The following AMBRA1 variants were observed in gnomAD, a reference collection of about 807,000 sequenced individuals.
The protein encoded by AMBRA1 is autophagy and beclin 1 regulator 1.
Under a neutral mutation model 125.4 loss-of-function variants are expected in AMBRA1, and 47 were observed. The ratio of observed to expected loss-of-function variants is 0.37; its 90% CI spans 0.30 to 0.48. AMBRA1 has a LOEUF of 0.48. AMBRA1 is among the 20% of genes least tolerant of loss of function. The pLI, the probability that AMBRA1 is intolerant of heterozygous loss-of-function variation, is 0.99. For missense variants in AMBRA1, 1,331 were observed against 1,693.4 expected (o/e 0.79, Z 3.76); for synonymous variants, 626 against 655.5 (o/e 0.95, Z 0.69).
At chr11:46,460,930 T>TA (rs1322497496) in intron 11 of AMBRA1, among the ~76,000 whole-genome samples, 2 of 152,034 alleles carry the variant, frequency 1.3e-5, no homozygotes, top group Non-Finnish European at 2.9e-5. Context: ...CAAAAATAAA[T>TA]AAATGAATTA....
intron 14 of AMBRA1, among the ~76,000 whole-genome samples, chr11:46,427,397 A>G (rs1057226697): frequency 5.3e-5 from 8 of 152,218 alleles, no homozygotes; most frequent in African/African-American, 1.9e-4. Context: ...AAGCAATCTA[A>G]TGTTTATTTT....
At chr11:46,568,758 G>A (rs1233076614) in intron 1 of AMBRA1, among the ~76,000 whole-genome samples, 2 of 123,470 alleles carry the variant, frequency 1.6e-5, no homozygotes, top group East Asian at 5.3e-4. Flanking sequence ...GGCAACAAGA[G>A]CAAAACTCCA....
At chr11:46,453,903 A>G (rs1478708080) in intron 11 of AMBRA1, among the ~76,000 whole-genome samples, 1 of 152,220 alleles carries the variant, frequency 6.6e-6, no homozygotes, top group Non-Finnish European at 1.5e-5. Context: ...TAAAGGGTAA[A>G]TATTTTCTAA....
chr11:46,554,476 A>G (rs1226262522), intron 1 of AMBRA1, among the ~76,000 whole-genome samples: 1 of 152,220 alleles, frequency 6.6e-6, no homozygotes, highest in Non-Finnish European at 1.5e-5. Flanking sequence ...CATTTCTATC[A>G]ATTTCCAGGG....
chr11:46,471,259 T>C (rs752944933), intron 11 of AMBRA1, among the ~76,000 whole-genome samples: 3 of 151,748 alleles, frequency 2.0e-5, no homozygotes, highest in African/African-American at 4.8e-5. Context: ...CTGGCCAACA[T>C]GGCAAAACCC....
intron 7 of AMBRA1, among the ~76,000 whole-genome samples, chr11:46,533,558 T>A (rs927789926): frequency 1.3e-5 from 2 of 152,178 alleles, no homozygotes; most frequent in African/African-American, 4.8e-5. Context: ...GTTCATCAGC[T>A]CTTCACCCAA....
At chr11:46,494,919 T>C (rs1205251030) in intron 9 of AMBRA1, 1 of 152,246 alleles carries the variant, frequency 6.6e-6, no homozygotes, top group African/African-American at 2.4e-5. Flanking sequence ...ACAAAGGTTA[T>C]TGATATGTTA....
At chr11:46,478,183 T>A (rs1213303853) in intron 11 of AMBRA1, among the ~76,000 whole-genome samples, 1 of 152,144 alleles carries the variant, frequency 6.6e-6, no homozygotes, top group East Asian at 1.9e-4. Flanking sequence ...ATAGCTGAAT[T>A]CTTGCTTCTC....
chr11:46,417,624 T>A (rs1946604361), intron 15 of AMBRA1, among the ~76,000 whole-genome samples: 1 of 152,162 alleles, frequency 6.6e-6, no homozygotes, highest in Non-Finnish European at 1.5e-5. Flanking sequence ...GCAGGGAAAC[T>A]TTAGTATCAC....
intron 7 of AMBRA1, among the ~76,000 whole-genome samples, chr11:46,524,111 G>A (rs1488859326): frequency 2.0e-5 from 3 of 152,076 alleles, no homozygotes; most frequent in Admixed American, 6.5e-5. Context: ...CGGGTGATCC[G>A]CCCACCTCGG....
chr11:46,548,129 T>C (rs1020572933), intron 2 of AMBRA1, 117 bp downstream of exon 2: 2 of 1,437,042 alleles, frequency 1.4e-6, no homozygotes, highest in African/African-American at 1.4e-5. Context: ...AAGTCAGATA[T>C]GTCAACTCTC....
At chr11:46,424,750 G>T (rs1314874132) in intron 14 of AMBRA1, among the ~76,000 whole-genome samples, 1 of 152,178 alleles carries the variant, frequency 6.6e-6, no homozygotes, top group African/African-American at 2.4e-5. Context: ...TGAGGTGGGA[G>T]GATTGCTTGA....
intron 1 of AMBRA1, among the ~76,000 whole-genome samples, chr11:46,558,780 T>C (rs1449360540): frequency 6.6e-6 from 1 of 152,140 alleles, no homozygotes; most frequent in East Asian, 1.9e-4. Context: ...CCTAAGTAGA[T>C]TATAAACTCT....
At chr11:46,487,191 G>A (rs1950298163) in intron 11 of AMBRA1, among the ~76,000 whole-genome samples, 1 of 151,736 alleles carries the variant, frequency 6.6e-6, no homozygotes, top group Non-Finnish European at 1.5e-5. Context: ...CCAGCAGGTT[G>A]AGGGTGCAGT....
Position 46,527,477 on chromosome 11 carries a change from C to CAAAAAAAAAAAAAAAA in AMBRA1, c.2072+14452_2072+14467dup, listed in dbSNP as rs59904013. 6.9e-3 allele frequency among the ~76,000 whole-genome samples: 180 copies of CAAAAAAAAAAAAAAAA among 25,942 alleles called. 26 individuals carry two copies. The highest frequency in any genetic ancestry group is 0.031 in the Middle Eastern group (1 of 32). The allele number at this position is 25,942 out of a possible 152,430, so 17.0% of individuals were successfully genotyped here. ...CCTAGGTGACAAAGTGAGACTGTCT[C>CAAAAAAAAAAAAAAAA]AAAAAAAAAAAAAAAAAAAAAAAAA... On this transcript the variant is annotated intron_variant, in intron 7 of 17. Coordinates refer to ENST00000683756, the MANE Select transcript of AMBRA1 (RefSeq NM_001387011.1).
At chr11:46,565,638 C>T (rs1030385526) in intron 1 of AMBRA1, among the ~76,000 whole-genome samples, 1 of 151,754 alleles carries the variant, frequency 6.6e-6, no homozygotes, top group Non-Finnish European at 1.5e-5. Flanking sequence ...GCCTGAGAGG[C>T]GGAGGTTGCA....
chr11:46,444,878 T>C (rs1267816458), intron 11 of AMBRA1, among the ~76,000 whole-genome samples: 1 of 152,172 alleles, frequency 6.6e-6, no homozygotes, highest in Non-Finnish European at 1.5e-5. Flanking sequence ...TGCTGGCCAC[T>C]GTGTCAGAAG....
At chr11:46,588,422 G>A (rs141813932) in intron 1 of AMBRA1, among the ~76,000 whole-genome samples, 1 of 152,112 alleles carries the variant, frequency 6.6e-6, no homozygotes, top group African/African-American at 2.4e-5. Context: ...GTTAACAATT[G>A]AAGAGTACTT....
chr11:46,534,453 C>T (rs1041254736), intron 7 of AMBRA1, among the ~76,000 whole-genome samples: 7 of 152,074 alleles, frequency 4.6e-5, no homozygotes, highest in African/African-American at 1.7e-4. Context: ...CCAGATCGCA[C>T]CATTGCACTC....
Sources: allele counts gnomAD v4.1 joint callset (sites outside exome capture counted in the v4.1 genomes callset), GRCh38; gene constraint gnomAD v4.1.1; transcripts MANE v1.5; gene names NCBI Gene and HGNC (gene_info 2026-07-23, HGNC 2026-07-21).